ETS1: variants seen among roughly 807,000 people sequenced by gnomAD.
ETS1 encodes protein C-ets-1.
ETS1 carries 15 observed loss-of-function variants against 58.6 expected under a neutral mutation model. That is an observed-to-expected ratio of 0.26 (90% CI 0.17 to 0.39). ETS1 has a LOEUF of 0.39. Among genes scored for constraint, ETS1 ranks in the 10% least tolerant of loss-of-function variants. The pLI is 1.00. For missense variants in ETS1, 417 were observed against 610.5 expected (o/e 0.68, Z 3.34); for synonymous variants, 214 against 218.2 (o/e 0.98, Z 0.17).
chr11:128,568,775 C>T (rs951979731), intron 2 of ETS1, among the ~76,000 whole-genome samples: 3 of 151,728 alleles, frequency 2.0e-5, no homozygotes, highest in Non-Finnish European at 4.4e-5. Flanking sequence ...GACCAGATAA[C>T]GTTAATGTGA....
intron 3 of ETS1, among the ~76,000 whole-genome samples, chr11:128,493,812 C>A (rs1457106167): frequency 6.6e-6 from 1 of 152,156 alleles, no homozygotes; most frequent in African/African-American, 2.4e-5. Flanking sequence ...TAATCATGCT[C>A]AAAAATGTAT....
intron 3 of ETS1, among the ~76,000 whole-genome samples, chr11:128,523,777 T>C (rs1013221620): frequency 6.6e-6 from 1 of 152,224 alleles, no homozygotes; most frequent in African/African-American, 2.4e-5. Context: ...ACAAAGACTG[T>C]TGCAATCCAG....
chr11:128,508,322 C>T (rs1270594235), intron 3 of ETS1, among the ~76,000 whole-genome samples: 1 of 152,158 alleles, frequency 6.6e-6, no homozygotes, highest in Non-Finnish European at 1.5e-5. Flanking sequence ...ATCTCTAATC[C>T]TAACAGCCCT....
chr11:128,530,397 G>A (rs1863875645), intron 3 of ETS1: 1 of 152,248 alleles, frequency 6.6e-6, no homozygotes, highest in African/African-American at 2.4e-5. Context: ...AAATGGGCAT[G>A]TGTGACGTGT....
At position 128,460,704 on chromosome 11, in the gene ETS1, C is replaced by T. The variant is rs1427191466; in HGVS notation, c.*1657G>A. On this transcript the variant is annotated 3_prime_UTR_variant, in exon 10 of 10. Transcript: ENST00000392668. ...CTCACAACCAGCAGAAAGATGACTA[C>T]CTTGCTTGACTATGTTTGTATTTAA... is the stretch of plus-strand genomic sequence containing the variant. 2 of 152,346 alleles carry T rather than the reference C, an allele frequency of 1.3e-5. No individual in the cohort carries two copies. The highest frequency in any genetic ancestry group is 1.9e-4 in the East Asian group (1 of 5,338). The allele number at this position is 152,346 out of a possible 1,614,324, so 9.4% of individuals were successfully genotyped here. A position where few individuals can be genotyped will look rare whatever the true frequency, so the allele number is the denominator to read the frequency against.
chr11:128,578,689 C>T (rs974075624), intron 1 of ETS1, among the ~76,000 whole-genome samples: 4 of 152,098 alleles, frequency 2.6e-5, no homozygotes, highest in Non-Finnish European at 4.4e-5. Flanking sequence ...CACACACACA[C>T]GTGATTACAA....
chr11:128,465,013 T>C (rs1203861330), intron 8 of ETS1, among the ~76,000 whole-genome samples: 1 of 152,096 alleles, frequency 6.6e-6, no homozygotes, highest in Non-Finnish European at 1.5e-5. Context: ...GAAATGGTGG[T>C]TCTGGGTCTA....
intron 3 of ETS1, among the ~76,000 whole-genome samples, chr11:128,497,173 T>A (rs143644822): frequency 6.6e-6 from 1 of 151,958 alleles, no homozygotes; most frequent in Non-Finnish European, 1.5e-5. Flanking sequence ...GCAGAGAAAA[T>A]CCCCAATTCA....
chr11:128,552,751 G>T (rs1864251763), intron 3 of ETS1, among the ~76,000 whole-genome samples: 1 of 152,148 alleles, frequency 6.6e-6, no homozygotes, highest in African/African-American at 2.4e-5. Flanking sequence ...TGCTCAGCTG[G>T]GTCTCTGATG....
At chr11:128,570,247 T>A (rs1407590069) in intron 2 of ETS1, among the ~76,000 whole-genome samples, 1 of 150,872 alleles carries the variant, frequency 6.6e-6, no homozygotes, top group African/African-American at 2.4e-5. Flanking sequence ...CCTTTTTTTT[T>A]TTTTTTTAGA....
rs1201251859 is a variant in ETS1 at position 128,480,307 on chromosome 11, G to A, written c.1007C>T (p.Pro336Leu). The change falls in exon 8 of 10, where the codon CCG (proline) becomes CTG (leucine). Residue 336 changes from proline (P) to leucine (L), a missense_variant. This residue lies in a region of ETS1 where 139 missense variants were observed against 152.1 expected (regional missense o/e 0.91). Coordinates refer to ENST00000392668, the MANE Select transcript of ETS1 (RefSeq NM_001143820.2). Reference sequence around the variant, plus strand: ...GGGCTTGTGGTTGGGCAGGGCAGCCGGATAGTCCTCTGAGTCGAAGCTGTC... The same window carrying A: ...GGGCTTGTGGTTGGGCAGGGCAGCCAGATAGTCCTCTGAGTCGAAGCTGTC... ...SYDSFDSEDY[P>L]AALPNHKPKG... 5.0e-6 allele frequency: 8 copies of A among 1,614,142 alleles called. No individual in the cohort carries two copies. The highest frequency in any genetic ancestry group is 1.1e-5 in the South Asian group (1 of 91,086).
At position 128,459,123 on chromosome 11, in the gene ETS1, T is replaced by TA. The variant is rs957091177; in HGVS notation, c.*3237dup. ...TTTTTCATCCCTATACTTCTCAGCT[T>TA]AAAAAAAAAGTATTCTTAAAAAAAA... On this transcript the variant is annotated 3_prime_UTR_variant, in exon 10 of 10. Transcript: ENST00000392668. The TA allele has an allele frequency of 1.2e-4, 18 of 149,388 alleles. No homozygotes were observed. The highest frequency in any genetic ancestry group is 5.8e-4 in the East Asian group (3 of 5,184). The allele number at this position is 149,388 out of a possible 1,614,324, so 9.3% of individuals were successfully genotyped here.
intron 3 of ETS1, among the ~76,000 whole-genome samples, chr11:128,496,894 A>G (rs1414274668): frequency 2.0e-5 from 3 of 152,140 alleles, no homozygotes; most frequent in Non-Finnish European, 4.4e-5. Context: ...GTATTTTCAT[A>G]AACCCAATGA....
intron 2 of ETS1, among the ~76,000 whole-genome samples, chr11:128,572,731 T>G (rs1864661942): frequency 6.6e-6 from 1 of 152,196 alleles, no homozygotes; most frequent in African/African-American, 2.4e-5. Flanking sequence ...TGTATAGGAA[T>G]AAGGTACCTC....
intron 2 of ETS1, among the ~76,000 whole-genome samples, chr11:128,560,564 C>A (rs918233880): frequency 1.3e-5 from 2 of 152,204 alleles, no homozygotes; most frequent in African/African-American, 2.4e-5. Context: ...TAACCCAAGT[C>A]TATTTGATTT....
Position 128,561,883 on chromosome 11 carries a change from T to G in ETS1, c.70-5448A>C, listed in dbSNP as rs954697806. 5.9e-5 allele frequency among the ~76,000 whole-genome samples: 9 copies of G among 152,170 alleles called. No individual in the cohort carries two copies. The East Asian group carries it at 1.5e-3, about 26-fold the overall frequency. ...AAGCTAGACCTAGCAGCAAAAAGGA[T>G]GGAGGTAGAGCACAACTCAAGGAAA... is the stretch of plus-strand genomic sequence containing the variant. On this transcript the variant is annotated intron_variant, in intron 2 of 9. Coordinates refer to ENST00000392668, the MANE Select transcript of ETS1 (RefSeq NM_001143820.2).
At chr11:128,497,960 C>G (rs576165359) in intron 3 of ETS1, among the ~76,000 whole-genome samples, 1 of 148,172 alleles carries the variant, frequency 6.7e-6, no homozygotes, top group South Asian at 2.7e-4. Context: ...ATCTCCCACC[C>G]TAAACATTGG....
At chr11:128,510,899 G>C (rs760903702) in intron 3 of ETS1, among the ~76,000 whole-genome samples, 32 of 152,166 alleles carry the variant, frequency 2.1e-4, no homozygotes, top group Admixed American at 2.0e-4. Context: ...AATAAGGTCC[G>C]GCCAGAGGGG....
intron 1 of ETS1, among the ~76,000 whole-genome samples, chr11:128,579,389 C>A (rs995404529): frequency 3.9e-5 from 6 of 152,060 alleles, no homozygotes; most frequent in Admixed American, 2.6e-4. Flanking sequence ...GGGCTGGGCT[C>A]GGTGGCTCAC....
Sources: gnomAD v4.1 joint callset for allele counts (sites outside exome capture counted in the v4.1 genomes callset) on GRCh38, gnomAD v4.1.1 for gene constraint, gnomAD v4.1.1 regional missense constraint, MANE v1.5 for transcripts, NCBI Gene and HGNC (gene_info 2026-07-23, HGNC 2026-07-21) for gene names.